Variants in MARCHF8 observed in about 807,000 individuals in gnomAD.
MARCHF8 encodes membrane associated ring-CH-type finger 8.
In MARCHF8, 40 loss-of-function variants were observed where a neutral mutation model predicts 51.6. The ratio of observed to expected loss-of-function variants is 0.77; its 90% CI spans 0.60 to 1.01. The LOEUF (loss-of-function observed/expected upper bound fraction) is 1.01. Among genes scored for constraint, MARCHF8 ranks in the 50% least tolerant of loss-of-function variants. MARCHF8 has a pLI of 0.00. For synonymous variants in MARCHF8, 263 were observed against 280.3 expected, an observed-to-expected ratio of 0.94 and a Z score of 0.62; for missense variants, 685 against 708.6, an observed-to-expected ratio of 0.97 and a Z score of 0.38.
intron 3 of MARCHF8, among the ~76,000 whole-genome samples, chr10:45,471,521 A>G (rs1300446507): frequency 5.3e-5 from 8 of 152,276 alleles, no homozygotes; most frequent in Non-Finnish European, 8.8e-5. Context: ...TGAGTTACTT[A>G]TCACTCACAA....
intron 3 of MARCHF8, among the ~76,000 whole-genome samples, chr10:45,474,331 C>T (rs2042748091): frequency 1.3e-5 from 2 of 152,150 alleles, no homozygotes; most frequent in Admixed American, 1.3e-4. Flanking sequence ...AGGCCATGCC[C>T]AGTACACTGT....
chr10:45,536,845 A>AATG (rs2043977696), upstream of MARCHF8, among the ~76,000 whole-genome samples: 2 of 129,462 alleles, frequency 1.5e-5, no homozygotes, highest in South Asian at 4.6e-4. Context: ...AAATAATAAT[A>AATG]ATAATAATAA....
chr10:45,533,800 T>C (rs2043929178), intron 1 of MARCHF8, among the ~76,000 whole-genome samples: 1 of 152,160 alleles, frequency 6.6e-6, no homozygotes. Flanking sequence ...ACTATTCCTA[T>C]AAAGGGCAAG....
chr10:45,500,344 T>C (rs1242952207), intron 2 of MARCHF8, among the ~76,000 whole-genome samples: 1 of 152,180 alleles, frequency 6.6e-6, no homozygotes, highest in African/African-American at 2.4e-5. Context: ...ATGGAAACTT[T>C]AGGGTTTTCT....
chr10:45,469,680 A>C (rs1843095818), intron 3 of MARCHF8, among the ~76,000 whole-genome samples: 1 of 151,928 alleles, frequency 6.6e-6, no homozygotes, highest in South Asian at 2.1e-4. Context: ...CCTGGCTAAC[A>C]CGGTGAAACC....
At chr10:45,578,516 T>C (rs533524355) in intron 1 of MARCHF8, among the ~76,000 whole-genome samples, 1 of 152,234 alleles carries the variant, frequency 6.6e-6, no homozygotes, top group South Asian at 2.1e-4. Flanking sequence ...TGCCAATCAA[T>C]AGCTACAGAA....
chr10:45,479,539 T>C (rs2042848144), intron 3 of MARCHF8, among the ~76,000 whole-genome samples: 1 of 152,222 alleles, frequency 6.6e-6, no homozygotes, highest in African/African-American at 2.4e-5. Context: ...AGGGACTCAG[T>C]GGGAGATAAC....
At chr10:45,461,479 CA>C in intron 5 of MARCHF8, 68 bp from the exon 6 acceptor site, 1 of 1,340,282 alleles carries the variant, frequency 7.5e-7, no homozygotes, top group Non-Finnish European at 9.9e-7. Context: ...ACTTCAGTGG[CA>C]GGTTAATCCC....
chr10:45,477,996 G>A (rs767703784), intron 3 of MARCHF8, among the ~76,000 whole-genome samples: 3 of 152,250 alleles, frequency 2.0e-5, no homozygotes, highest in South Asian at 2.1e-4. Context: ...CACTCCCATC[G>A]TTAGACAGAT....
rs192048597 is a variant in MARCHF8, at chr10:45,466,448, G to A, written c.154-2121C>T. The stretch of plus-strand genomic sequence containing the variant: ...CACCTGTCCCCAGGTAGACTTTGAG[G>A]AAGAAATACCCAGCAATATCCACAT... On this transcript the variant is annotated intron_variant, in intron 3 of 7. Transcript: ENST00000453424. Among the ~76,000 whole-genome samples, 1,037 of 152,252 alleles carry A rather than the reference G, an allele frequency of 6.8e-3. 6 individuals are homozygous for A. The highest frequency in any genetic ancestry group is 0.017 in the Middle Eastern group (5 of 294).
chr10:45,553,573 A>G (rs1481698745), intron 1 of MARCHF8, among the ~76,000 whole-genome samples: 1 of 152,238 alleles, frequency 6.6e-6, no homozygotes, highest in African/African-American at 2.4e-5. Context: ...CAAGGTATTC[A>G]CTGCAGCACT....
intron 1 of MARCHF8, among the ~76,000 whole-genome samples, chr10:45,548,919 T>C (rs9422648): frequency 0.36 from 54,234 of 149,908 alleles, 10,343 homozygotes; most frequent in African/African-American, 0.49. Context: ...TGCTTGAACC[T>C]GGGAAGTGGA....
At chr10:45,593,504 G>T (rs1479375946) in intron 1 of MARCHF8, 1 of 152,116 alleles carries the variant, frequency 6.6e-6, no homozygotes, top group Non-Finnish European at 1.5e-5. Context: ...GACTCTCAAC[G>T]ACTTGAGTTC....
Position 45,488,347 on chromosome 10 carries a change from T to A in MARCHF8, c.153+1020A>T, listed in dbSNP as rs796350643. Among the ~76,000 whole-genome samples, 11 of 152,186 alleles carry A rather than the reference T, an allele frequency of 7.2e-5. 1 individual carries two copies. Among genetic ancestry groups the A allele is most frequent in the African/African-American group, 2.7e-4 (11 of 41,506 alleles). ...AGCTAACAGACCTGTTAATCCTTGA[T>A]CAGTCCTCTAATTCCTGCCAAGGCC... is the stretch of plus-strand genomic sequence containing the variant. On this transcript the variant is annotated intron_variant, in intron 3 of 7. Transcript: ENST00000453424.
At chr10:45,520,447 A>C (rs781579031) in intron 2 of MARCHF8, among the ~76,000 whole-genome samples, 2 of 152,210 alleles carry the variant, frequency 1.3e-5, no homozygotes, top group Non-Finnish European at 2.9e-5. Flanking sequence ...AGTTCCTTTC[A>C]TACTGGGGAA....
At chr10:45,494,128 GCTACCAGATCACAAAGATAAAGAGAAGCT>G (rs1367122877) in intron 2 of MARCHF8, among the ~76,000 whole-genome samples, 16 of 152,324 alleles carry the variant, frequency 1.1e-4, no homozygotes, top group African/African-American at 3.8e-4. Context: ...AATGTGAGAA[GCTACCAGATCACAAAGATAAAGAGAAGCT>G]CTGCTGAAGA....
chr10:45,512,554 G>A (rs2043543143), intron 2 of MARCHF8, among the ~76,000 whole-genome samples: 1 of 149,162 alleles, frequency 6.7e-6, no homozygotes, highest in South Asian at 2.1e-4. Context: ...CTACTGGGAA[G>A]TGAGGAGCCC....
At chr10:45,472,694 C>T (rs1033919769) in intron 3 of MARCHF8, among the ~76,000 whole-genome samples, 1 of 152,204 alleles carries the variant, frequency 6.6e-6, no homozygotes, top group African/African-American at 2.4e-5. Context: ...AAACCTGCCC[C>T]CCTTCCACCT....
At chr10:45,554,746 C>A (rs1456880417) in intron 1 of MARCHF8, among the ~76,000 whole-genome samples, 1 of 152,086 alleles carries the variant, frequency 6.6e-6, no homozygotes, top group Non-Finnish European at 1.5e-5. Flanking sequence ...ATGGAGAATC[C>A]CATCTCTAGT....
Sources: gnomAD v4.1 joint callset for allele counts (sites outside exome capture counted in the v4.1 genomes callset) on GRCh38, gnomAD v4.1.1 for gene constraint, MANE v1.5 for transcripts, NCBI Gene and HGNC (gene_info 2026-07-23, HGNC 2026-07-21) for gene names.